ANKRD40: variants seen among roughly 807,000 people sequenced by gnomAD.
ANKRD40 encodes ankyrin repeat domain 40.
Under a neutral mutation model 35.5 loss-of-function variants are expected in ANKRD40, and 24 were observed. That is an observed-to-expected ratio of 0.68 (90% CI 0.49 to 0.95). The LOEUF is 0.95. Ranked by LOEUF, ANKRD40 falls within the 40% of genes least tolerant of loss-of-function variation. ANKRD40 has a pLI of 0.00. For missense variants in ANKRD40, 361 were observed against 436.0 expected (o/e 0.83, Z 1.53); for synonymous variants, 147 against 173.5 (o/e 0.85, Z 1.20).
intron 4 of ANKRD40, chr17:50,696,663 G>A (rs1439258133): frequency 3.4e-6 from 1 of 298,038 alleles, no homozygotes; most frequent in Non-Finnish European, 6.1e-6. Context: ...GAATGCAATG[G>A]TGTTTACAAC....
intron 1 of ANKRD40, among the ~76,000 whole-genome samples, chr17:50,706,903 C>CAAAAAAAAAAAAAA (rs35024672): frequency 3.9e-4 from 15 of 37,982 alleles, no homozygotes; most frequent in Non-Finnish European, 6.0e-4. Context: ...GACCCTGTCT[C>CAAAAAAAAAAAAAA]AAAAAAAAAA....
intron 3 of ANKRD40, among the ~76,000 whole-genome samples, chr17:50,697,582 CT>C (rs2146655951): frequency 6.6e-6 from 1 of 152,190 alleles, no homozygotes; most frequent in African/African-American, 2.4e-5. Context: ...TATGAAACTC[CT>C]TGCAAAAAAG....
intron 3 of ANKRD40, among the ~76,000 whole-genome samples, chr17:50,698,802 A>G (rs561941596): frequency 6.6e-6 from 1 of 152,174 alleles, no homozygotes; most frequent in South Asian, 2.1e-4. Context: ...GCATTAGCTC[A>G]AGATTACATT....
chr17:50,704,626 G>A (rs1411433443), intron 1 of ANKRD40, among the ~76,000 whole-genome samples: 1 of 151,936 alleles, frequency 6.6e-6, no homozygotes, highest in Non-Finnish European at 1.5e-5. Flanking sequence ...GGGTAGGTCT[G>A]GCATCAGATA....
In ANKRD40 at chr17:50,707,631, C is replaced by T. The variant is rs1485315946; in HGVS notation, c.24G>A (p.Lys8=). Residue 8 remains lysine (K), a synonymous_variant, in exon 1 of 5, where the codon AAG becomes AAA. Transcript: ENST00000285243. The surrounding 1 kb of genome is among the most constrained non-coding windows in gnomAD (Gnocchi z 4.8). MNALLEQ[K]EQQERLREAA... is the part of the protein sequence containing the mutation. ...CCTCCCGCAGCCTCTCCTGCTGCTC[C>T]TTCTGCTCTAGGAGGGCGTTCATCT... The T allele has an allele frequency of 1.3e-6, 2 of 1,595,704 alleles. No individual in the cohort carries two copies. Among genetic ancestry groups the T allele is most frequent in the Non-Finnish European group, 8.5e-7 (1 of 1,172,430 alleles).
rs5820829 is a variant in ANKRD40, at chr17:50,698,985, CAAAAAAA to C, written c.778+407_778+413del. On this transcript the variant is annotated intron_variant, in intron 3 of 4. Transcript: ENST00000285243. ...TGAAACCCCATCTCTACTAAAAATA[CAAAAAAA>C]AAAAAAAAAAAAAAAAATTAGCCAG... 2.7e-4 allele frequency among the ~76,000 whole-genome samples: 19 copies of C among 69,606 alleles called. 1 individual carries two copies. The highest frequency in any genetic ancestry group is 1.1e-3 in the Admixed American group (6 of 5,544). The allele number at this position is 69,606 out of a possible 152,430, so 45.7% of individuals were successfully genotyped here. A position where few individuals can be genotyped will look rare whatever the true frequency, so the allele number is the denominator to read the frequency against.
Position 50,699,631 on chromosome 17 carries a change from C to G in ANKRD40, c.546G>C (p.Leu182Phe). 1 of 1,614,134 alleles carries G rather than the reference C, an allele frequency of 6.2e-7. No individual in the cohort carries two copies. The highest frequency in any genetic ancestry group is 8.5e-7 in the Non-Finnish European group (1 of 1,180,042). The change falls in exon 3 of 5, where the codon TTG becomes TTC. Residue 182 changes from leucine to phenylalanine, a missense_variant. By Grantham distance (22) the Leu-to-Phe change is conservative. Transcript: ENST00000285243. ...ACACATCACCATTCTGAACTAGTGC[C>G]AAAGAGGTGTGGTCCCGGGGAAAGG... ...LGTFPRDHTS[L>F]ALVQNGDVSA...
intron 3 of ANKRD40, among the ~76,000 whole-genome samples, chr17:50,697,704 G>A (rs1314020835): frequency 6.6e-6 from 1 of 152,188 alleles, no homozygotes; most frequent in Non-Finnish European, 1.5e-5. Flanking sequence ...CATAGGTCTG[G>A]GATCTAAGCA....
In ANKRD40 at chr17:50,699,701, C is replaced by G; in HGVS notation, c.476G>C (p.Gly159Ala). Residue 159 changes from glycine (G) to alanine (A), a missense_variant, in exon 3 of 5, where the codon GGC becomes GCC. Physicochemically the swap from Gly to Ala is moderately conservative, Grantham distance 60. Around this residue, in one of 5 missense-constraint regions of ANKRD40, gnomAD observed 172 missense variants for 174.0 expected, o/e 0.99. Coordinates refer to ENST00000285243, the MANE Select transcript of ANKRD40 (RefSeq NM_052855.4). The stretch of plus-strand genomic sequence containing the variant: ...CCCAGGGGGAAGCAATGGAGGTGAG[C>G]CATCTGCAGGGGGTGATGCAGGGGG... ...STPPASPPAD[G>A]SPPLLPPGEP... is the part of the protein sequence containing the mutation. 1.2e-6 allele frequency: 2 copies of G among 1,613,964 alleles called. No homozygotes were observed. Among genetic ancestry groups the G allele is most frequent in the Non-Finnish European group, 1.7e-6 (2 of 1,179,900 alleles).
chr17:50,696,247 G>GA (rs201633992), intron 4 of ANKRD40, 104 bp from the exon 5 acceptor site: 5,833 of 1,074,276 alleles, frequency 5.4e-3, no homozygotes, highest in South Asian at 6.6e-3. Flanking sequence ...AAACCTAGAA[G>GA]AAAAAAAAAA....
rs948086581 is a variant in ANKRD40, at chr17:50,694,159, G to A, written c.*1838C>T. The A allele has an allele frequency of 1.7e-5, 2 of 117,148 alleles. No individual in the cohort carries two copies. The highest frequency in any genetic ancestry group is 5.3e-4 in the South Asian group (2 of 3,774). 7.3% of individuals were successfully genotyped at this position (117,148 alleles called of 1,614,324 possible). On this transcript the variant is annotated 3_prime_UTR_variant, in exon 5 of 5. Coordinates refer to ENST00000285243, the MANE Select transcript of ANKRD40 (RefSeq NM_052855.4). ...AAAAAAAGAAAAGAAACACCAGGGA[G>A]GTTTCTTCTTTAAAGCACTTGAGAG...
At chr17:50,703,739 G>C (rs1031385056) in intron 1 of ANKRD40, among the ~76,000 whole-genome samples, 1 of 152,146 alleles carries the variant, frequency 6.6e-6, no homozygotes, top group African/African-American at 2.4e-5. Context: ...GTGGGGACAG[G>C]AAGTAGAAAT....
At chr17:50,697,420 G>C (rs779627042) in intron 3 of ANKRD40, among the ~76,000 whole-genome samples, 2 of 152,180 alleles carry the variant, frequency 1.3e-5, no homozygotes, top group African/African-American at 4.8e-5. Flanking sequence ...TTCTGCCATT[G>C]GAGCTAAGGA....
chr17:50,700,476 G>A, intron 2 of ANKRD40, 92 bp downstream of exon 2: 1 of 1,209,998 alleles, frequency 8.3e-7, no homozygotes, highest in African/African-American at 1.6e-5. Context: ...AAATAGAGCA[G>A]TTGTTTGACC....
At chr17:50,701,355 T>C (rs1487716444) in intron 1 of ANKRD40, among the ~76,000 whole-genome samples, 1 of 152,246 alleles carries the variant, frequency 6.6e-6, no homozygotes, top group African/African-American at 2.4e-5. Flanking sequence ...TCTGCGTAAA[T>C]GTAAGGCACT....
chr17:50,696,092 T>A lies in ANKRD40; in HGVS notation c.1012A>T (p.Met338Leu). 6.2e-7 allele frequency: 1 copy of A among 1,614,216 alleles called. No homozygotes were observed. The highest frequency in any genetic ancestry group is 8.5e-7 in the Non-Finnish European group (1 of 1,180,034). ...QDFQELELVLMISENNFLFRN... is the reference protein window; with the variant it reads ...QDFQELELVLLISENNFLFRN... ...AACAGAAAATTATTTTCACTTATCA[T>A]CAGAACCAGTTCCAGCTCCTGGAAA... The change falls in exon 5 of 5, where the codon ATG (methionine) becomes TTG (leucine). Residue 338 changes from methionine (M) to leucine (L), a missense_variant. By Grantham distance (15) the Met-to-Leu change is conservative. Around this residue, in one of 5 missense-constraint regions of ANKRD40, gnomAD observed 93 missense variants for 129.6 expected, o/e 0.72. Transcript: ENST00000285243.
intron 4 of ANKRD40, 125 bp from the exon 5 acceptor site, chr17:50,696,268 C>G: frequency 9.0e-7 from 1 of 1,107,736 alleles, no homozygotes; most frequent in Non-Finnish European, 1.3e-6. Context: ...ATCCCTGTGG[C>G]AGGCTAAGTC....
intron 1 of ANKRD40, among the ~76,000 whole-genome samples, chr17:50,703,111 C>G (rs1597868549): frequency 6.6e-6 from 1 of 151,910 alleles, no homozygotes; most frequent in East Asian, 1.9e-4. Context: ...TACTGAGCAA[C>G]TAAGACTTGA....
intron 1 of ANKRD40, among the ~76,000 whole-genome samples, chr17:50,704,666 C>G (rs1597869035): frequency 6.6e-6 from 1 of 152,140 alleles, no homozygotes; most frequent in East Asian, 1.9e-4. Context: ...CCACTAGTTA[C>G]TGTCAATCCT....
Sources: gnomAD v4.1 joint callset for allele counts (sites outside exome capture counted in the v4.1 genomes callset) on GRCh38, gnomAD v4.1.1 for gene constraint, gnomAD v4.1.1 regional missense constraint, Gnocchi (gnomAD v3.1) non-coding constraint, MANE v1.5 for transcripts, NCBI Gene and HGNC (gene_info 2026-07-23, HGNC 2026-07-21) for gene names.